UBQLN1: variants seen among roughly 807,000 people sequenced by gnomAD.
The protein encoded by UBQLN1 is ubiquilin-1.
UBQLN1 carries 13 observed loss-of-function variants against 65.4 expected under a neutral mutation model. The ratio of observed to expected loss-of-function variants is 0.20; its 90% CI spans 0.13 to 0.32. The LOEUF (loss-of-function observed/expected upper bound fraction) is 0.32. Among genes scored for constraint, UBQLN1 ranks in the 10% least tolerant of loss-of-function variants. UBQLN1 has a pLI of 1.00. For synonymous variants in UBQLN1, 267 were observed against 247.8 expected, an observed-to-expected ratio of 1.08 and a Z score of -0.73; for missense variants, 561 against 724.0, an observed-to-expected ratio of 0.77 and a Z score of 2.58.
chr9:83,674,959 T>A (rs11140209), intron 6 of UBQLN1, among the ~76,000 whole-genome samples: 8 of 152,032 alleles, frequency 5.3e-5, no homozygotes, highest in Non-Finnish European at 5.9e-5. Context: ...TTGGACATAT[T>A]TTCAAAGCAT....
Position 83,678,725 on chromosome 9 carries a change from T to C in UBQLN1, c.712-126A>G, listed in dbSNP as rs1831886396. Reference sequence around the variant, plus strand: ...AGGCCACTGTTTTGTTTTGTTTTTTTAATTTTTTTGAGACGGAGTCTTGCT... The same window carrying C: ...AGGCCACTGTTTTGTTTTGTTTTTTCAATTTTTTTGAGACGGAGTCTTGCT... On this transcript the variant is annotated intron_variant, in intron 4 of 10. Coordinates refer to ENST00000376395, the MANE Select transcript of UBQLN1 (RefSeq NM_013438.5). The C allele has an allele frequency of 3.5e-6, 4 of 1,128,240 alleles. No individual in the cohort carries two copies. In the African/African-American group the frequency reaches 4.7e-5, roughly 13 times the overall value. 69.9% of individuals were successfully genotyped at this position (1,128,240 alleles called of 1,614,324 possible). A position where few individuals can be genotyped will look rare whatever the true frequency, so the allele number is the denominator to read the frequency against.
chr9:83,676,948 G>C (rs1831843602), intron 6 of UBQLN1, among the ~76,000 whole-genome samples: 1 of 152,208 alleles, frequency 6.6e-6, no homozygotes, highest in Non-Finnish European at 1.5e-5. Flanking sequence ...CTACAGAAAA[G>C]TGGACAAAAG....
intron 1 of UBQLN1, among the ~76,000 whole-genome samples, chr9:83,691,080 G>A (rs989069128): frequency 3.3e-4 from 50 of 152,056 alleles, no homozygotes; most frequent in Admixed American, 3.3e-3. Context: ...AGAGATTGCA[G>A]TGAGCCAAAA....
intron 1 of UBQLN1, among the ~76,000 whole-genome samples, chr9:83,704,824 C>CAAAAAAAA: frequency 1.4e-5 from 1 of 69,532 alleles, no homozygotes; most frequent in South Asian, 6.2e-4. Flanking sequence ...GACTCCATCT[C>CAAAAAAAA]AAAAAAAAAA....
At chr9:83,706,817 T>G (rs561579773) in intron 1 of UBQLN1, among the ~76,000 whole-genome samples, 2 of 152,310 alleles carry the variant, frequency 1.3e-5, no homozygotes, top group Non-Finnish European at 2.9e-5. Flanking sequence ...ATGATTGGCA[T>G]CTAAGAGATG....
chr9:83,686,179 G>GTA, intron 1 of UBQLN1, 24 bp from the exon 2 acceptor site: 1 of 1,469,658 alleles, frequency 6.8e-7, no homozygotes, highest in South Asian at 1.2e-5. Context: ...AAATAAGTAT[G>GTA]TATTACAGTT....
At chr9:83,681,384 T>TCAGAACTCAATC (rs757713388) in intron 3 of UBQLN1, among the ~76,000 whole-genome samples, 14 of 152,172 alleles carry the variant, frequency 9.2e-5, no homozygotes, top group Non-Finnish European at 1.8e-4. Context: ...AAAGACATCC[T>TCAGAACTCAATC]CAGAACTCAA....
intron 5 of UBQLN1, among the ~76,000 whole-genome samples, 179 bp from the exon 6 acceptor site, chr9:83,678,140 G>A (rs1831873073): frequency 6.6e-6 from 1 of 151,038 alleles, no homozygotes; most frequent in Admixed American, 6.6e-5. Context: ...TCCTGCCTCA[G>A]CCTCCCGAGT....
At chr9:83,667,729 G>C (rs1564160164) in intron 7 of UBQLN1, 1 of 981,578 alleles carries the variant, frequency 1.0e-6, no homozygotes, top group Non-Finnish European at 1.2e-6. Flanking sequence ...CATCTTATTA[G>C]ATACTTCTTA....
chr9:83,697,759 G>A (rs1282231761), intron 1 of UBQLN1, among the ~76,000 whole-genome samples: 9 of 107,692 alleles, frequency 8.4e-5, no homozygotes, highest in African/African-American at 2.8e-4. Flanking sequence ...TTTTTGAGAC[G>A]AAGTCTCACT....
chr9:83,688,884 C>G (rs1379379405), intron 1 of UBQLN1, among the ~76,000 whole-genome samples: 1 of 151,978 alleles, frequency 6.6e-6, no homozygotes, highest in African/African-American at 2.4e-5. Flanking sequence ...AGACATGCAT[C>G]TATTCTTACA....
chr9:83,672,288 G>T (rs996206749), intron 6 of UBQLN1, among the ~76,000 whole-genome samples: 1 of 152,184 alleles, frequency 6.6e-6, no homozygotes, highest in Non-Finnish European at 1.5e-5. Context: ...TTTTCTTCAA[G>T]AACTTTTCCT....
At position 83,670,401 on chromosome 9, in the gene UBQLN1, G is replaced by C. The variant is rs11140203; in HGVS notation, c.1106-1074C>G. On this transcript the variant is annotated intron_variant, in intron 6 of 10. Coordinates refer to ENST00000376395, the MANE Select transcript of UBQLN1 (RefSeq NM_013438.5). ...AACTTAGTTTTTTTTTCACATCCTAGAGTCCAACCTTGGAGATACTGTGGG... is the reference window on the plus strand; with the variant it reads ...AACTTAGTTTTTTTTTCACATCCTACAGTCCAACCTTGGAGATACTGTGGG... 8.4e-3 allele frequency among the ~76,000 whole-genome samples: 1,266 copies of C among 151,416 alleles called. 35 individuals carry two copies. Among genetic ancestry groups the C allele is most frequent in the East Asian group, 0.046 (239 of 5,158 alleles).
chr9:83,663,814 T>C (rs1831600297), intron 10 of UBQLN1, 61 bp downstream of exon 10: 1 of 1,553,342 alleles, frequency 6.4e-7, no homozygotes, highest in African/African-American at 1.4e-5. Context: ...TCCTTCTTTT[T>C]GGAAATTTCT....
intron 10 of UBQLN1, among the ~76,000 whole-genome samples, chr9:83,662,672 T>C (rs1044778161): frequency 1.3e-5 from 2 of 152,222 alleles, no homozygotes; most frequent in Non-Finnish European, 2.9e-5. Flanking sequence ...ATTTATTCCA[T>C]GAATATTTAC....
chr9:83,679,350 T>C (rs1021432186), intron 4 of UBQLN1, among the ~76,000 whole-genome samples: 2 of 152,238 alleles, frequency 1.3e-5, no homozygotes, highest in Admixed American at 1.3e-4. Context: ...TGAGGTGTTG[T>C]CTGATTCTAG....
At chr9:83,681,038 C>T (rs1353079014) in intron 3 of UBQLN1, among the ~76,000 whole-genome samples, 1 of 152,228 alleles carries the variant, frequency 6.6e-6, no homozygotes, top group Non-Finnish European at 1.5e-5. Context: ...ATAATAAATA[C>T]ACACACCAGA....
chr9:83,696,511 C>T lies in UBQLN1; in HGVS notation c.181-10356G>A, dbSNP rs143878718. Among the ~76,000 whole-genome samples, 338 of 152,010 alleles carry T rather than the reference C, an allele frequency of 2.2e-3. 1 individual carries two copies. The highest frequency in any genetic ancestry group is 4.9e-3 in the African/African-American group (202 of 41,462). Reference sequence around the variant, plus strand: ...AAAAATAGCTGGGCAAGGTGGTGCACGCCTGCAGTCCCAGTTTCTTCAGAA... The same window carrying T: ...AAAAATAGCTGGGCAAGGTGGTGCATGCCTGCAGTCCCAGTTTCTTCAGAA... On this transcript the variant is annotated intron_variant, in intron 1 of 10. Transcript: ENST00000376395.
intron 4 of UBQLN1, 86 bp downstream of exon 4, chr9:83,679,689 T>A: frequency 7.0e-7 from 1 of 1,428,868 alleles, no homozygotes; most frequent in Non-Finnish European, 9.6e-7. Flanking sequence ...TAACCATACA[T>A]ACAGGACAAT....
Sources: allele counts gnomAD v4.1 joint callset (sites outside exome capture counted in the v4.1 genomes callset), GRCh38; gene constraint gnomAD v4.1.1; transcripts MANE v1.5; gene names NCBI Gene and HGNC (gene_info 2026-07-23, HGNC 2026-07-21).